The following HERC2 variants were observed in gnomAD, a reference collection of about 807,000 sequenced individuals.
HERC2 encodes the protein E3 ubiquitin-protein ligase HERC2.
A neutral mutation model predicts 537.7 loss-of-function variants in HERC2; 102 were observed. That is an observed-to-expected ratio of 0.19 (90% CI 0.16 to 0.22). The LOEUF is 0.22. HERC2 is among the 10% of genes least tolerant of loss of function. The pLI is 1.00. For synonymous variants in HERC2, 2,224 were observed against 2,466.2 expected (o/e 0.90, Z 2.91); for missense variants, 4,236 against 6,198.2 (o/e 0.68, Z 10.63).
At chr15:28,300,008 G>A (rs1485736907) in intron 2 of HERC2, among the ~76,000 whole-genome samples, 4 of 146,946 alleles carry the variant, frequency 2.7e-5, no homozygotes, top group Middle Eastern at 3.3e-3. Flanking sequence ...AGCCAAGATC[G>A]CACCACTGCA....
chr15:28,177,119 T>G lies in HERC2; in HGVS notation c.9263A>C (p.Asp3088Ala). 1 of 1,610,270 alleles carries G rather than the reference T, an allele frequency of 6.2e-7. No homozygotes were observed. The change falls in exon 61 of 93, where the codon GAC becomes GCC. Residue 3088 changes from aspartate (D) to alanine (A), a missense_variant. Physicochemically the swap from Asp to Ala is moderately radical, Grantham distance 126. This residue lies in a region of HERC2 where 606 missense variants were observed against 884.5 expected (regional missense o/e 0.69). Coordinates refer to ENST00000261609, the MANE Select transcript of HERC2 (RefSeq NM_004667.6). The surrounding 1 kb of genome is among the most constrained non-coding windows in gnomAD (Gnocchi z 5.0). ...CAGGGCCTCGATCAGCCTTGGTTTGTCACAGTTCCTACAACAAGATGAAAT... is the reference window on the plus strand; with the variant it reads ...CAGGGCCTCGATCAGCCTTGGTTTGGCACAGTTCCTACAACAAGATGAAAT... ...KLGHFSRMNC[D>A]KPRLIEALKT...
chr15:28,260,627 A>G, intron 16 of HERC2, 150 bp downstream of exon 16: 1 of 639,162 alleles, frequency 1.6e-6, no homozygotes, highest in Non-Finnish European at 2.7e-6. Context: ...ACCCAAGGAA[A>G]CTACAGTGAA....
chr15:28,218,210 C>T (rs1045745080), intron 38 of HERC2, among the ~76,000 whole-genome samples: 8 of 151,714 alleles, frequency 5.3e-5, no homozygotes, highest in African/African-American at 1.9e-4. Context: ...CTCTACAAGC[C>T]GAGGAACGCT....
chr15:28,157,952 G>A (rs1332631023), intron 69 of HERC2, among the ~76,000 whole-genome samples: 21 of 152,150 alleles, frequency 1.4e-4, no homozygotes, highest in South Asian at 4.2e-4. Flanking sequence ...CTTTGTTCTC[G>A]TTGGTTTCAA....
Position 28,245,958 on chromosome 15 carries a change from T to C in HERC2, c.3500A>G (p.His1167Arg), listed in dbSNP as rs1419014848. 1.2e-6 allele frequency: 2 copies of C among 1,614,158 alleles called. No individual in the cohort carries two copies. The highest frequency in any genetic ancestry group is 2.2e-5 in the East Asian group (1 of 44,886). Reference sequence around the variant, plus strand: ...TGCCAGATGGTTGAACCGATCCAGATGTTCCAACAGGCCACCCAGCAGAGG... The same window carrying C: ...TGCCAGATGGTTGAACCGATCCAGACGTTCCAACAGGCCACCCAGCAGAGG... ...AVPLLGGLLEHLDRFNHLAPG... is the reference protein window; with the variant it reads ...AVPLLGGLLERLDRFNHLAPG... The change falls in exon 23 of 93, where the codon CAT becomes CGT. Residue 1167 changes from histidine (H) to arginine (R), a missense_variant. By Grantham distance (29) the His-to-Arg change is conservative. Transcript: ENST00000261609.
intron 2 of HERC2, among the ~76,000 whole-genome samples, chr15:28,310,146 A>T (rs564048516): frequency 5.2e-4 from 79 of 152,350 alleles, no homozygotes; most frequent in African/African-American, 1.7e-3. Context: ...CTACAAAAAA[A>T]TTGTAAAATT....
intron 2 of HERC2, among the ~76,000 whole-genome samples, chr15:28,314,352 C>CG (rs2077025327): frequency 6.6e-6 from 1 of 152,022 alleles, no homozygotes; most frequent in Admixed American, 6.6e-5. Flanking sequence ...GATGTCAGCT[C>CG]GGAACAATGG....
Position 28,111,633 on chromosome 15 carries a change from A to C in HERC2, c.*130T>G. 1.1e-6 allele frequency: 1 copy of C among 942,358 alleles called. No homozygotes were observed. Among genetic ancestry groups the C allele is most frequent in the Admixed American group, 2.4e-5 (1 of 40,906 alleles). 58.4% of individuals were successfully genotyped at this position (942,358 alleles called of 1,614,324 possible). ...CCCATCACGGCCAGTCAGTCTCTCC[A>C]CTCCCTCCTCCCGCCTGGCTCGAGG... On this transcript the variant is annotated 3_prime_UTR_variant, in exon 93 of 93. Coordinates refer to ENST00000261609, the MANE Select transcript of HERC2 (RefSeq NM_004667.6).
At chr15:28,236,531 T>C (rs951291494) in intron 26 of HERC2, among the ~76,000 whole-genome samples, 1 of 151,878 alleles carries the variant, frequency 6.6e-6, no homozygotes, top group Non-Finnish European at 1.5e-5. Flanking sequence ...CCTCAGGTGA[T>C]CCACCCGCCT....
At chr15:28,166,797 G>A (rs1437028796) in intron 68 of HERC2, among the ~76,000 whole-genome samples, 1 of 151,692 alleles carries the variant, frequency 6.6e-6, no homozygotes, top group Non-Finnish European at 1.5e-5. Context: ...GGGAGTCCCA[G>A]TGACCGAGTC....
At chr15:28,139,268 TTC>T (rs1274823413) in intron 78 of HERC2, among the ~76,000 whole-genome samples, 1 of 152,204 alleles carries the variant, frequency 6.6e-6, no homozygotes, top group Non-Finnish European at 1.5e-5. Flanking sequence ...ACTTCTGTGA[TTC>T]AGTTACACAG....
rs369969805 is a variant in HERC2 at position 28,265,574 on chromosome 15, C to T, written c.1870+44G>A. 1.3e-4 allele frequency: 196 copies of T among 1,507,822 alleles called. No homozygotes were observed. Among genetic ancestry groups the T allele is most frequent in the Middle Eastern group, 2.2e-4 (1 of 4,620 alleles). The allele number at this position is 1,507,822 out of a possible 1,614,324, so 93.4% of individuals were successfully genotyped here. On this transcript the variant is annotated intron_variant, in intron 14 of 92. Coordinates refer to ENST00000261609, the MANE Select transcript of HERC2 (RefSeq NM_004667.6). The surrounding 1 kb of genome is among the most constrained non-coding windows in gnomAD (Gnocchi z 4.0). ...CACTTCCTCCAGGGAAGCTGCCATG[C>T]GTGTCCTCGTGGGCCTGTCCAGGGT...
At chr15:28,254,868 G>C (rs1006992284) in intron 19 of HERC2, among the ~76,000 whole-genome samples, 11 of 152,234 alleles carry the variant, frequency 7.2e-5, no homozygotes, top group African/African-American at 2.7e-4. Flanking sequence ...ACAAGAAGAA[G>C]CTGGAATTCT....
intron 3 of HERC2, among the ~76,000 whole-genome samples, chr15:28,295,116 C>T (rs547020541): frequency 1.1e-3 from 165 of 152,170 alleles, no homozygotes; most frequent in African/African-American, 3.6e-3. Flanking sequence ...CTGATAACAC[C>T]AAGTGCTAAC....
At chr15:28,209,093 T>C (rs1288456840) in intron 44 of HERC2, among the ~76,000 whole-genome samples, 2 of 152,166 alleles carry the variant, frequency 1.3e-5, no homozygotes, top group Non-Finnish European at 2.9e-5. Context: ...ACTGGGTCAC[T>C]ATTTCACTAA....
intron 35 of HERC2, among the ~76,000 whole-genome samples, chr15:28,226,949 TACA>T (rs1901245727): frequency 2.0e-5 from 3 of 152,158 alleles, no homozygotes; most frequent in South Asian, 2.1e-4. Context: ...CATTTATTGG[TACA>T]ACAACAAGGT....
intron 2 of HERC2, among the ~76,000 whole-genome samples, chr15:28,308,123 A>C (rs2076842755): frequency 6.6e-6 from 1 of 152,106 alleles, no homozygotes; most frequent in Non-Finnish European, 1.5e-5. Context: ...GATTGCACTG[A>C]ATCGGTAGAT....
chr15:28,224,909 A>G (rs955287545), intron 35 of HERC2, among the ~76,000 whole-genome samples: 1 of 152,264 alleles, frequency 6.6e-6, no homozygotes, highest in Non-Finnish European at 1.5e-5. Flanking sequence ...GGGTCAAAGA[A>G]GAAATCACAA....
chr15:28,221,547 G>A (rs1900525965), intron 36 of HERC2, among the ~76,000 whole-genome samples: 1 of 115,636 alleles, frequency 8.6e-6, no homozygotes, highest in Non-Finnish European at 1.8e-5. Flanking sequence ...TCCACCTGGG[G>A]GCACCTGGCA....
Sources: gnomAD v4.1 joint callset for allele counts (sites outside exome capture counted in the v4.1 genomes callset) on GRCh38, gnomAD v4.1.1 for gene constraint, gnomAD v4.1.1 regional missense constraint, Gnocchi (gnomAD v3.1) non-coding constraint, MANE v1.5 for transcripts, NCBI Gene and HGNC (gene_info 2026-07-23, HGNC 2026-07-21) for gene names.